DOCK3: variants seen among roughly 807,000 people sequenced by gnomAD.
DOCK3 encodes the protein dedicator of cytokinesis 3, also known as dedicator of cytokinesis protein 3.
Under a neutral mutation model 265.6 loss-of-function variants are expected in DOCK3, and 60 were observed. The ratio of observed to expected loss-of-function variants is 0.23; its 90% CI spans 0.18 to 0.28. DOCK3 has a LOEUF of 0.28. Among genes scored for constraint, DOCK3 ranks in the 10% least tolerant of loss-of-function variants. The pLI is 1.00. For missense variants in DOCK3, 1,981 were observed against 2,594.3 expected (o/e 0.76, Z 5.14); for synonymous variants, 881 against 938.0 (o/e 0.94, Z 1.11).
chr3:50,819,940 C>T (rs138965067), intron 2 of DOCK3, among the ~76,000 whole-genome samples: 17 of 152,102 alleles, frequency 1.1e-4, no homozygotes, highest in East Asian at 1.9e-4. Flanking sequence ...CTAACTTGGG[C>T]GAGAGAGCAA....
At chr3:51,027,240 C>G (rs768678929) in intron 5 of DOCK3, among the ~76,000 whole-genome samples, 37 of 151,988 alleles carry the variant, frequency 2.4e-4, no homozygotes, top group Admixed American at 8.5e-4. Flanking sequence ...ATTTAGTTCC[C>G]ATGTATTTGT....
At chr3:50,825,302 A>C (rs1367739107) in intron 2 of DOCK3, among the ~76,000 whole-genome samples, 3 of 152,212 alleles carry the variant, frequency 2.0e-5, no homozygotes, top group Non-Finnish European at 2.9e-5. Flanking sequence ...AAAGAGTGGA[A>C]ACTGTCGCTT....
chr3:51,221,612 G>A (rs2090101481), intron 14 of DOCK3, among the ~76,000 whole-genome samples: 1 of 152,122 alleles, frequency 6.6e-6, no homozygotes, highest in African/African-American at 2.4e-5. Flanking sequence ...ACTGTAAAAG[G>A]GACAGATACT....
chr3:50,937,331 A>T (rs2051428598), intron 5 of DOCK3, among the ~76,000 whole-genome samples: 1 of 150,998 alleles, frequency 6.6e-6, no homozygotes, highest in East Asian at 2.0e-4. Flanking sequence ...GACATAAATT[A>T]TAATAGGGTA....
At chr3:50,844,668 T>C (rs2045996580) in intron 3 of DOCK3, among the ~76,000 whole-genome samples, 10 of 152,236 alleles carry the variant, frequency 6.6e-5, no homozygotes, top group Admixed American at 6.5e-4. Flanking sequence ...ATACCCTTTC[T>C]GTTATGACTA....
intron 6 of DOCK3, among the ~76,000 whole-genome samples, chr3:51,068,838 A>C (rs1560017391): frequency 6.6e-6 from 1 of 152,192 alleles, no homozygotes; most frequent in Non-Finnish European, 1.5e-5. Context: ...GAATACTATT[A>C]CATCCTGTGA....
chr3:50,710,659 A>G (rs747165100), intron 1 of DOCK3, among the ~76,000 whole-genome samples: 3 of 152,222 alleles, frequency 2.0e-5, no homozygotes, highest in Non-Finnish European at 4.4e-5. Flanking sequence ...TCACCACCCA[A>G]AGGAAGTAAG....
At chr3:51,379,343 G>T in intron 51 of DOCK3, 1 of 969,126 alleles carries the variant, frequency 1.0e-6, no homozygotes, top group Non-Finnish European at 1.2e-6. Flanking sequence ...TGCCCCACAT[G>T]TGTGCTGGAT....
chr3:50,758,462 A>G (rs1046286964), intron 1 of DOCK3, among the ~76,000 whole-genome samples: 1 of 152,108 alleles, frequency 6.6e-6, no homozygotes, highest in African/African-American at 2.4e-5. Flanking sequence ...AAAAAAAGAT[A>G]TATAATTAAA....
At chr3:51,037,870 C>T (rs1207901702) in intron 5 of DOCK3, among the ~76,000 whole-genome samples, 1 of 152,056 alleles carries the variant, frequency 6.6e-6, no homozygotes, top group African/African-American at 2.4e-5. Context: ...GAGAATGCAG[C>T]CTACCAGACT....
At chr3:50,688,285 C>T (rs1468459372) in intron 1 of DOCK3, among the ~76,000 whole-genome samples, 1 of 152,114 alleles carries the variant, frequency 6.6e-6, no homozygotes, top group Non-Finnish European at 1.5e-5. Flanking sequence ...TTTTGAAAAA[C>T]TCCAAAGGCT....
At chr3:51,202,769 A>G (rs1313250074) in intron 12 of DOCK3, among the ~76,000 whole-genome samples, 1 of 151,830 alleles carries the variant, frequency 6.6e-6, no homozygotes, top group Non-Finnish European at 1.5e-5. Flanking sequence ...AAAATCCTCA[A>G]TAAAATACTG....
intron 4 of DOCK3, among the ~76,000 whole-genome samples, chr3:50,901,268 C>T (rs1236033034): frequency 6.6e-6 from 1 of 152,146 alleles, no homozygotes; most frequent in African/African-American, 2.4e-5. Flanking sequence ...GCTTTGTTTA[C>T]ACTGTGAGGG....
intron 3 of DOCK3, among the ~76,000 whole-genome samples, chr3:50,855,226 G>A (rs1408182346): frequency 6.6e-6 from 1 of 152,102 alleles, no homozygotes; most frequent in African/African-American, 2.4e-5. Context: ...GGGCAGCATG[G>A]TCATTTTAAT....
chr3:50,858,717 T>G (rs2046748710), intron 3 of DOCK3, among the ~76,000 whole-genome samples: 1 of 152,190 alleles, frequency 6.6e-6, no homozygotes, highest in Admixed American at 6.5e-5. Context: ...TTGGGGAAGT[T>G]TTCATGGATG....
chr3:51,196,562 C>CT (rs2088309435), intron 12 of DOCK3, among the ~76,000 whole-genome samples: 1 of 152,128 alleles, frequency 6.6e-6, no homozygotes, highest in South Asian at 2.1e-4. Flanking sequence ...GTCACAAAGG[C>CT]TTTGCTCAGT....
At chr3:51,345,927 G>A (rs1326495651) in intron 38 of DOCK3, among the ~76,000 whole-genome samples, 1 of 152,142 alleles carries the variant, frequency 6.6e-6, no homozygotes, top group African/African-American at 2.4e-5. Context: ...ACTATGGGGA[G>A]GAATAAGTGA....
chr3:50,848,044 A>G (rs2046174568), intron 3 of DOCK3, among the ~76,000 whole-genome samples: 1 of 123,696 alleles, frequency 8.1e-6, no homozygotes, highest in Admixed American at 8.7e-5. Context: ...TCATCATTAT[A>G]TCACGCTCTT....
chr3:50,849,034 A>C (rs1156394711), intron 3 of DOCK3, among the ~76,000 whole-genome samples: 2 of 151,982 alleles, frequency 1.3e-5, no homozygotes, highest in Non-Finnish European at 2.9e-5. Flanking sequence ...AGCTCAAAAA[A>C]CTTTTTTTTT....
Sources: gnomAD v4.1 joint callset for allele counts (sites outside exome capture counted in the v4.1 genomes callset) on GRCh38, gnomAD v4.1.1 for gene constraint, MANE v1.5 for transcripts, NCBI Gene and HGNC (gene_info 2026-07-23, HGNC 2026-07-21) for gene names.